Variants in CCSER1 observed in about 807,000 individuals in gnomAD.
CCSER1 encodes serine-rich coiled-coil domain-containing protein 1.
CCSER1 carries 41 observed loss-of-function variants against 82.0 expected under a neutral mutation model. That is an observed-to-expected ratio of 0.50 (90% CI 0.39 to 0.65). The LOEUF is 0.65. Ranked by LOEUF, CCSER1 falls within the 30% of genes least tolerant of loss-of-function variation. CCSER1 has a pLI of 0.00. For synonymous variants in CCSER1, 414 were observed against 383.9 expected, an observed-to-expected ratio of 1.08 and a Z score of -0.92; for missense variants, 1,119 against 1,064.2, an observed-to-expected ratio of 1.05 and a Z score of -0.72.
chr4:90,737,204 G>A (rs1255331245), intron 7 of CCSER1, among the ~76,000 whole-genome samples: 1 of 152,106 alleles, frequency 6.6e-6, no homozygotes, highest in African/African-American at 2.4e-5. Flanking sequence ...TATTGCCAGT[G>A]AGTTTTGTAA....
intron 7 of CCSER1, among the ~76,000 whole-genome samples, chr4:90,725,291 G>A (rs984821675): frequency 2.6e-5 from 4 of 151,454 alleles, no homozygotes; most frequent in African/African-American, 7.3e-5. Context: ...GAAAATTAAT[G>A]TATTTTTTAA....
At position 91,083,428 on chromosome 4, in the gene CCSER1, A is replaced by G. The variant is rs969411590; in HGVS notation, c.2173-2522A>G. Reference sequence around the variant, plus strand: ...GCCTGCCGGGGGGTTGGCGGGGGGAAGGATAGCATTAGGAGATATACCTAA... The same window carrying G: ...GCCTGCCGGGGGGTTGGCGGGGGGAGGGATAGCATTAGGAGATATACCTAA... On this transcript the variant is annotated intron_variant, in intron 9 of 10. Transcript: ENST00000509176. 3.3e-5 allele frequency among the ~76,000 whole-genome samples: 5 copies of G among 151,982 alleles called. No individual in the cohort carries two copies. In the East Asian group the frequency reaches 7.7e-4, roughly 24 times the overall value.
At chr4:91,359,073 C>A (rs749568884) in intron 10 of CCSER1, among the ~76,000 whole-genome samples, 1 of 152,132 alleles carries the variant, frequency 6.6e-6, no homozygotes, top group Non-Finnish European at 1.5e-5. Flanking sequence ...CCCAAATGCA[C>A]AATTTCTGTC....
chr4:91,432,772 T>C (rs1754405152), intron 10 of CCSER1, among the ~76,000 whole-genome samples: 1 of 152,190 alleles, frequency 6.6e-6, no homozygotes, highest in African/African-American at 2.4e-5. Context: ...AATTAGCTCT[T>C]TGTAGTAATA....
At chr4:91,453,731 T>C (rs973101673) in intron 10 of CCSER1, among the ~76,000 whole-genome samples, 1 of 152,066 alleles carries the variant, frequency 6.6e-6, no homozygotes, top group Non-Finnish European at 1.5e-5. Flanking sequence ...TATAGCTGAT[T>C]TTCTAGCATA....
chr4:90,558,768 A>T (rs1010165948), intron 5 of CCSER1, among the ~76,000 whole-genome samples: 3 of 152,164 alleles, frequency 2.0e-5, no homozygotes, highest in Non-Finnish European at 4.4e-5. Flanking sequence ...AAGACAAGAA[A>T]TGTGGGAATG....
intron 1 of CCSER1, among the ~76,000 whole-genome samples, chr4:90,154,759 T>G (rs1426603867): frequency 2.2e-4 from 32 of 148,418 alleles, no homozygotes; most frequent in African/African-American, 6.7e-4. Flanking sequence ...AAGTTGCTTA[T>G]CAGCTTAAGG....
intron 1 of CCSER1, among the ~76,000 whole-genome samples, chr4:90,146,402 C>A (rs564612775): frequency 1.3e-5 from 2 of 151,948 alleles, no homozygotes; most frequent in Non-Finnish European, 2.9e-5. Context: ...ATCTTTAGAT[C>A]ATCTTTTTCC....
At chr4:91,403,831 C>T (rs1486679632) in intron 10 of CCSER1, among the ~76,000 whole-genome samples, 1 of 152,128 alleles carries the variant, frequency 6.6e-6, no homozygotes, top group Non-Finnish European at 1.5e-5. Flanking sequence ...CATCGATGTT[C>T]ATCAGGGATA....
intron 1 of CCSER1, among the ~76,000 whole-genome samples, chr4:90,200,799 TA>T (rs941447890): frequency 1.3e-5 from 2 of 151,824 alleles, no homozygotes; most frequent in African/African-American, 4.9e-5. Flanking sequence ...TTAGCATCCT[TA>T]AAAACAGTCA....
chr4:91,357,879 C>CCA (rs1553927658), intron 10 of CCSER1, among the ~76,000 whole-genome samples: 1 of 70,352 alleles, frequency 1.4e-5, no homozygotes. Context: ...TCTGCCTGCC[C>CCA]CCCCCCCCTT....
At chr4:90,666,031 T>C (rs996943278) in intron 6 of CCSER1, among the ~76,000 whole-genome samples, 1 of 152,132 alleles carries the variant, frequency 6.6e-6, no homozygotes, top group Non-Finnish European at 1.5e-5. Context: ...TCTTAAGGTC[T>C]TCTGCATTCC....
At position 90,732,685 on chromosome 4, in the gene CCSER1, G is replaced by A. The variant is rs963584677; in HGVS notation, c.2010+8694G>A. ...TAGATACCAACCAGTGGCTAATCTT[G>A]CAAGTGGGCCTTTCTAAGCACTATA... On this transcript the variant is annotated intron_variant, in intron 7 of 10. Transcript: ENST00000509176. Among the ~76,000 whole-genome samples, 4 of 152,086 alleles carry A rather than the reference G, an allele frequency of 2.6e-5. No individual in the cohort carries two copies. The East Asian group carries it at 7.7e-4, about 29-fold the overall frequency.
chr4:90,400,116 T>A lies in CCSER1; in HGVS notation c.1590T>A (p.Ser530Arg), dbSNP rs1181098978. 2.5e-6 allele frequency: 4 copies of A among 1,581,552 alleles called. No homozygotes were observed. Among genetic ancestry groups the A allele is most frequent in the Non-Finnish European group, 3.5e-6 (4 of 1,151,834 alleles). Residue 530 changes from serine to arginine, a missense_variant, in exon 4 of 11, where the codon AGT (serine) becomes AGA (arginine). Physicochemically the swap from Ser to Arg is moderately radical, Grantham distance 110. Transcript: ENST00000509176. ...ATCTTGAATTTTTAGAGGAACAGAG[T>A]CTTCACCCTTCTGGTAAGTGTTAAA... ...MLDLEFLEEQ[S>R]LHPSVCREDS...
chr4:90,391,296 A>G (rs1246791823), intron 3 of CCSER1, among the ~76,000 whole-genome samples: 1 of 145,296 alleles, frequency 6.9e-6, no homozygotes, highest in Non-Finnish European at 1.5e-5. Context: ...AGAAAAAAAA[A>G]GAAAAAGAAG....
chr4:91,291,640 A>C (rs930463280), intron 10 of CCSER1, among the ~76,000 whole-genome samples: 1 of 151,956 alleles, frequency 6.6e-6, no homozygotes, highest in Non-Finnish European at 1.5e-5. Context: ...CTCGCTTGCT[A>C]TCACGAGAAC....
At chr4:90,764,517 G>T (rs1750910179) in intron 7 of CCSER1, among the ~76,000 whole-genome samples, 1 of 152,054 alleles carries the variant, frequency 6.6e-6, no homozygotes, top group Non-Finnish European at 1.5e-5. Flanking sequence ...AATAATGGTG[G>T]TTTTTGGAGT....
intron 10 of CCSER1, among the ~76,000 whole-genome samples, chr4:91,461,616 T>G: frequency 6.6e-6 from 1 of 152,192 alleles, no homozygotes; most frequent in South Asian, 2.1e-4. Context: ...CTTGTATGGA[T>G]TTCGGTGGAG....
intron 10 of CCSER1, among the ~76,000 whole-genome samples, chr4:91,562,471 C>T (rs1762697785): frequency 6.6e-6 from 1 of 151,442 alleles, no homozygotes; most frequent in South Asian, 2.1e-4. Context: ...TATCTTCTTT[C>T]CATGTTCTAC....
Sources: gnomAD v4.1 joint callset for allele counts (sites outside exome capture counted in the v4.1 genomes callset) on GRCh38, gnomAD v4.1.1 for gene constraint, MANE v1.5 for transcripts, NCBI Gene and HGNC (gene_info 2026-07-23, HGNC 2026-07-21) for gene names.